MTMR2: variants seen among roughly 807,000 people sequenced by gnomAD.
The protein encoded by MTMR2 is phosphatidylinositol-3,5-bisphosphate 3-phosphatase MTMR2.
MTMR2 carries 55 observed loss-of-function variants against 86.9 expected under a neutral mutation model. That is an observed-to-expected ratio of 0.63 (90% CI 0.51 to 0.79). The LOEUF (loss-of-function observed/expected upper bound fraction) is 0.79. Ranked by LOEUF, MTMR2 falls within the 30% of genes least tolerant of loss-of-function variation. The pLI is 0.00. For synonymous variants in MTMR2, 241 were observed against 266.8 expected, an observed-to-expected ratio of 0.90 and a Z score of 0.94; for missense variants, 659 against 772.3, an observed-to-expected ratio of 0.85 and a Z score of 1.74.
intron 1 of MTMR2, among the ~76,000 whole-genome samples, chr11:95,900,098 A>G (rs1866016960): frequency 6.6e-6 from 1 of 152,182 alleles, no homozygotes; most frequent in Non-Finnish European, 1.5e-5. Context: ...ACGAGGCCAC[A>G]TAATGACAAA....
At chr11:95,871,654 A>T (rs1864888965) in intron 2 of MTMR2, among the ~76,000 whole-genome samples, 1 of 152,136 alleles carries the variant, frequency 6.6e-6, no homozygotes, top group Admixed American at 6.6e-5. Flanking sequence ...AGATGAGTAG[A>T]TTGCAAAAAT....
intron 13 of MTMR2, 52 bp from the exon 14 acceptor site, chr11:95,836,376 C>A (rs1863286239): frequency 6.7e-7 from 1 of 1,502,916 alleles, no homozygotes; most frequent in Non-Finnish European, 9.2e-7. Flanking sequence ...GCCATTTACA[C>A]TTTAGATGAA....
At chr11:95,844,889 A>T (rs1200438705) in intron 11 of MTMR2, 64 bp downstream of exon 11, 3 of 1,409,428 alleles carry the variant, frequency 2.1e-6, no homozygotes, top group South Asian at 2.3e-5. Flanking sequence ...TAAAAAACAC[A>T]TTTTTTTCAC....
At chr11:95,922,987 C>T (rs919403426) in intron 1 of MTMR2, among the ~76,000 whole-genome samples, 4 of 152,128 alleles carry the variant, frequency 2.6e-5, no homozygotes, top group African/African-American at 9.7e-5. Flanking sequence ...CAGATTTCAT[C>T]GTGGCTGCAT....
Position 95,838,079 on chromosome 11 carries a change from T to C in MTMR2, c.1593+15A>G, listed in dbSNP as rs1863364248. 2.1e-6 allele frequency: 3 copies of C among 1,429,366 alleles called. No individual in the cohort carries two copies. The East Asian group carries it at 6.8e-5, about 32-fold the overall frequency. 88.5% of individuals were successfully genotyped at this position (1,429,366 alleles called of 1,614,324 possible). A position where few individuals can be genotyped will look rare whatever the true frequency, so the allele number is the denominator to read the frequency against. ...AGTAGAGATAGTATGGGGAAGGTCA[T>C]GTTTCATATTTTACCTCTTTTCCTC... On this transcript the variant is annotated intron_variant, in intron 13 of 14. Transcript: ENST00000346299.
chr11:95,923,725 G>T (rs748900055), intron 1 of MTMR2, 150 bp downstream of exon 1: 44 of 1,455,498 alleles, frequency 3.0e-5, no homozygotes, highest in Non-Finnish European at 3.6e-5. Context: ...CCCAGGGAGG[G>T]AGGCAGAAGT....
intron 1 of MTMR2, among the ~76,000 whole-genome samples, chr11:95,894,428 T>C (rs985627644): frequency 6.6e-5 from 10 of 152,206 alleles, no homozygotes; most frequent in African/African-American, 2.2e-4. Flanking sequence ...GTAGCTATTA[T>C]TATTTATGAC....
chr11:95,879,168 T>A (rs1454283439), intron 2 of MTMR2, among the ~76,000 whole-genome samples: 1 of 106,170 alleles, frequency 9.4e-6, no homozygotes, highest in East Asian at 2.1e-4. Flanking sequence ...GAACCAGAGG[T>A]AAAAATGTGG....
In MTMR2 at chr11:95,847,816, C is replaced by A; in HGVS notation, c.1077G>T (p.Met359Ile). ...CCTTAAGTTTTCGTAATGATTCTCT[C>A]ATAACATGAATATTGTGGATATCCA... ...VFLDIHNIHV[M>I]RESLRKLKEI... The change falls in exon 10 of 15, where the codon ATG becomes ATT. Residue 359 changes from methionine (M) to isoleucine (I), a missense_variant. By Grantham distance (10) the Met-to-Ile change is conservative. This residue lies in a region of MTMR2 where 387 missense variants were observed against 526.3 expected (regional missense o/e 0.74). Transcript: ENST00000346299. The A allele has an allele frequency of 6.2e-7, 1 of 1,613,646 alleles. No homozygotes were observed. Among genetic ancestry groups the A allele is most frequent in the Non-Finnish European group, 8.5e-7 (1 of 1,179,662 alleles).
At chr11:95,842,532 A>C (rs1469957237) in intron 11 of MTMR2, among the ~76,000 whole-genome samples, 7 of 152,206 alleles carry the variant, frequency 4.6e-5, no homozygotes, top group Non-Finnish European at 7.3e-5. Flanking sequence ...TCATCTACCT[A>C]GTTTCTCAGT....
intron 1 of MTMR2, among the ~76,000 whole-genome samples, chr11:95,913,484 G>A (rs754161952): frequency 2.1e-4 from 32 of 152,194 alleles, no homozygotes; most frequent in Non-Finnish European, 3.1e-4. Flanking sequence ...GTTAAATGCC[G>A]ATTCCTAACG....
intron 12 of MTMR2, among the ~76,000 whole-genome samples, chr11:95,841,238 C>CA (rs141483124): frequency 0.2 from 29,083 of 148,700 alleles, 6,880 homozygotes; most frequent in African/African-American, 0.56. Context: ...GATTGAAATT[C>CA]AAAAAAAAAA....
rs577567277 is a variant in MTMR2, at chr11:95,854,506, A to C, written c.654+3046T>G. Among the ~76,000 whole-genome samples, 8 of 152,256 alleles carry C rather than the reference A, an allele frequency of 5.3e-5. No individual in the cohort carries two copies. The South Asian group carries it at 1.7e-3, about 32-fold the overall frequency. On this transcript the variant is annotated intron_variant, in intron 7 of 14. Coordinates refer to ENST00000346299, the MANE Select transcript of MTMR2 (RefSeq NM_016156.6). ...ATGAGATAAGGTCTCTGCACTCTTCACCAGGCTGGACTGCAGTGGTACAAT... is the reference window on the plus strand; with the variant it reads ...ATGAGATAAGGTCTCTGCACTCTTCCCCAGGCTGGACTGCAGTGGTACAAT...
At chr11:95,915,880 TTC>T (rs1487352425) in intron 1 of MTMR2, among the ~76,000 whole-genome samples, 2 of 152,174 alleles carry the variant, frequency 1.3e-5, no homozygotes, top group African/African-American at 4.8e-5. Flanking sequence ...TTCCTTTGAT[TTC>T]TGTTTCCCCA....
Position 95,838,192 on chromosome 11 carries a change from C to T in MTMR2, c.1495G>A (p.Glu499Lys). The T allele has an allele frequency of 6.3e-7, 1 of 1,597,846 alleles. No individual in the cohort carries two copies. The highest frequency in any genetic ancestry group is 8.6e-7 in the Non-Finnish European group (1 of 1,165,694). ...QMTRQFPTAF[E>K]FNEYFLITIL... ...GTAATGAGAAAATACTCATTGAATT[C>T]AAATGCGGTAGGAAACTGCAAATCA... The change falls in exon 13 of 15, where the codon GAA (glutamate) becomes AAA (lysine). Residue 499 changes from glutamate to lysine, a missense_variant. Coordinates refer to ENST00000346299, the MANE Select transcript of MTMR2 (RefSeq NM_016156.6).
In MTMR2 at chr11:95,833,569, TA is replaced by T. The variant is rs1863119866; in HGVS notation, c.*1720del. On this transcript the variant is annotated 3_prime_UTR_variant, in exon 15 of 15. Transcript: ENST00000346299. The stretch of plus-strand genomic sequence containing the variant: ...AGCAGAGAAGTGGTAGGGTTGCACT[TA>T]GATTTCCCTGGCTTTTGATTTGAAT... The T allele has an allele frequency of 6.6e-6, 1 of 152,056 alleles. No individual in the cohort carries two copies. Among genetic ancestry groups the T allele is most frequent in the Non-Finnish European group, 1.5e-5 (1 of 67,984 alleles). The allele number at this position is 152,056 out of a possible 1,614,324, so 9.4% of individuals were successfully genotyped here.
chr11:95,916,091 T>C (rs976116057), intron 1 of MTMR2, among the ~76,000 whole-genome samples: 1 of 152,184 alleles, frequency 6.6e-6, no homozygotes, highest in African/African-American at 2.4e-5. Context: ...TTTTCTATTT[T>C]GGTCATCGCA....
intron 2 of MTMR2, among the ~76,000 whole-genome samples, chr11:95,868,374 CAA>C (rs916722936): frequency 4.0e-5 from 5 of 125,672 alleles, no homozygotes; most frequent in African/African-American, 8.9e-5. Flanking sequence ...CACAATGAAA[CAA>C]GAGAAATGAA....
At chr11:95,879,797 A>G (rs1030551258) in intron 2 of MTMR2, among the ~76,000 whole-genome samples, 1 of 152,122 alleles carries the variant, frequency 6.6e-6, no homozygotes, top group Non-Finnish European at 1.5e-5. Context: ...AGGCATTTAT[A>G]TTGTCTCCAG....
Sources: allele counts gnomAD v4.1 joint callset (sites outside exome capture counted in the v4.1 genomes callset), GRCh38; gene constraint gnomAD v4.1.1; regional missense constraint gnomAD v4.1.1; transcripts MANE v1.5; gene names NCBI Gene and HGNC (gene_info 2026-07-23, HGNC 2026-07-21).